The following SBF2 variants were observed in gnomAD, a reference collection of about 807,000 sequenced individuals.
SBF2 encodes the protein myotubularin-related protein 13.
Under a neutral mutation model 225.2 loss-of-function variants are expected in SBF2, and 112 were observed. The ratio of observed to expected loss-of-function variants is 0.50; its 90% CI spans 0.43 to 0.58. The LOEUF (loss-of-function observed/expected upper bound fraction) is 0.58. Ranked by LOEUF, SBF2 falls within the 20% of genes least tolerant of loss-of-function variation. The pLI is 0.00. For synonymous variants in SBF2, 763 were observed against 773.3 expected, an observed-to-expected ratio of 0.99 and a Z score of 0.22; for missense variants, 1,996 against 2,206.2, an observed-to-expected ratio of 0.90 and a Z score of 1.91.
chr11:10,194,809 C>T (rs1591186831), intron 1 of SBF2, among the ~76,000 whole-genome samples: 1 of 152,096 alleles, frequency 6.6e-6, no homozygotes, highest in South Asian at 2.1e-4. Flanking sequence ...CTGCACCTGG[C>T]CATTATTCTG....
chr11:9,791,533 A>C (rs113276840), intron 33 of SBF2, among the ~76,000 whole-genome samples: 9 of 152,188 alleles, frequency 5.9e-5, no homozygotes, highest in African/African-American at 1.9e-4. Flanking sequence ...TGCAGGGTCC[A>C]GTGCAGTAGT....
intron 1 of SBF2, among the ~76,000 whole-genome samples, chr11:10,195,762 T>C (rs1196938656): frequency 6.6e-6 from 1 of 152,136 alleles, no homozygotes; most frequent in African/African-American, 2.4e-5. Context: ...CCAAAATCCA[T>C]TTGAAAAAGA....
At chr11:9,838,260 T>C (rs1276444252) in intron 26 of SBF2, 2 of 152,096 alleles carry the variant, frequency 1.3e-5, no homozygotes, top group African/African-American at 4.8e-5. Context: ...AATAACTTAA[T>C]GGATATATAT....
chr11:10,006,214 A>C (rs1948182624), intron 6 of SBF2, among the ~76,000 whole-genome samples: 1 of 152,178 alleles, frequency 6.6e-6, no homozygotes, highest in Admixed American at 6.5e-5. Flanking sequence ...ATGCCATGTA[A>C]CTGTTATTTG....
At chr11:10,225,885 G>C (rs1958518932) in intron 1 of SBF2, among the ~76,000 whole-genome samples, 4 of 152,078 alleles carry the variant, frequency 2.6e-5, no homozygotes, top group Admixed American at 1.3e-4. Context: ...ATACCCCACA[G>C]TTTGAAATAA....
intron 1 of SBF2, among the ~76,000 whole-genome samples, chr11:10,292,692 A>G (rs2133622078): frequency 6.6e-6 from 1 of 151,864 alleles, no homozygotes; most frequent in South Asian, 2.1e-4. Flanking sequence ...AAAAAAAAAA[A>G]AAAAAATTGT....
At chr11:9,909,693 C>T (rs1862436834) in intron 16 of SBF2, among the ~76,000 whole-genome samples, 1 of 151,236 alleles carries the variant, frequency 6.6e-6, no homozygotes, top group African/African-American at 2.4e-5. Context: ...AAAAAGATAC[C>T]CTGACGACTT....
chr11:10,007,466 T>G (rs1158137710), intron 6 of SBF2, among the ~76,000 whole-genome samples: 3 of 152,050 alleles, frequency 2.0e-5, no homozygotes, highest in Non-Finnish European at 4.4e-5. Flanking sequence ...AAACCAAAAT[T>G]TTAATATGAT....
At chr11:10,280,874 C>A (rs1369099728) in intron 1 of SBF2, among the ~76,000 whole-genome samples, 3 of 152,152 alleles carry the variant, frequency 2.0e-5, no homozygotes, top group African/African-American at 7.2e-5. Context: ...CTGGTTTCTC[C>A]TTACCCAAAA....
chr11:9,798,149 A>G (rs562031610), intron 32 of SBF2, among the ~76,000 whole-genome samples: 45 of 152,302 alleles, frequency 3.0e-4, no homozygotes, highest in Admixed American at 1.4e-3. Flanking sequence ...CCCTTAATAC[A>G]GCAATTCTCA....
rs1857453421 is a variant in SBF2, at chr11:9,858,142, G to A, written c.2100+84C>T. 5 of 1,507,112 alleles carry A rather than the reference G, an allele frequency of 3.3e-6. No homozygotes were observed. The East Asian group carries it at 6.8e-5, about 20-fold the overall frequency. The allele number at this position is 1,507,112 out of a possible 1,614,324, so 93.4% of individuals were successfully genotyped here. A position where few individuals can be genotyped will look rare whatever the true frequency, so the allele number is the denominator to read the frequency against. On this transcript the variant is annotated intron_variant, in intron 18 of 39. Transcript: ENST00000256190. ...AATACACTGGCAGGAAGTAGCTAGA[G>A]TTTTTTTTGCCCTGGGAACATCTGC...
chr11:10,214,340 T>A (rs573299152), intron 1 of SBF2, among the ~76,000 whole-genome samples: 8 of 152,154 alleles, frequency 5.3e-5, no homozygotes, highest in Non-Finnish European at 1.0e-4. Context: ...AAACAGCCAA[T>A]TGGCCGGGCG....
intron 4 of SBF2, 117 bp downstream of exon 4, chr11:10,030,931 T>C (rs1482552214): frequency 2.3e-5 from 20 of 886,724 alleles, no homozygotes; most frequent in Non-Finnish European, 3.4e-5. Flanking sequence ...CTGTATTTCA[T>C]AGATGAATTC....
rs994959698 is a variant in SBF2 at position 9,931,974 on chromosome 11, C to T, written c.1860+29983G>A. 2.0e-5 allele frequency among the ~76,000 whole-genome samples: 3 copies of T among 151,878 alleles called. No individual in the cohort carries two copies. In the South Asian group the frequency reaches 6.2e-4, roughly 32 times the overall value. ...GCTGAAAACCATGGCACGAGAACTT[C>T]GTGACGCATGCACAAGCTTCAATAC... On this transcript the variant is annotated intron_variant, in intron 16 of 39. Coordinates refer to ENST00000256190, the MANE Select transcript of SBF2 (RefSeq NM_030962.4).
intron 16 of SBF2, among the ~76,000 whole-genome samples, chr11:9,947,757 A>G (rs1247089851): frequency 6.6e-6 from 1 of 151,950 alleles, no homozygotes; most frequent in Non-Finnish European, 1.5e-5. Flanking sequence ...CGGTTCACAT[A>G]CATTAGGATG....
At chr11:10,262,915 T>C (rs1463294359) in intron 1 of SBF2, among the ~76,000 whole-genome samples, 6 of 151,990 alleles carry the variant, frequency 3.9e-5, no homozygotes, top group African/African-American at 1.4e-4. Flanking sequence ...GATAAAAGGA[T>C]CCTCAGGGAG....
Position 10,223,281 on chromosome 11 carries a change from C to T in SBF2, c.56-29294G>A, listed in dbSNP as rs533777368. 3.5e-4 allele frequency among the ~76,000 whole-genome samples: 53 copies of T among 150,738 alleles called. 1 individual carries two copies. In the South Asian group the frequency reaches 0.01, roughly 30 times the overall value. On this transcript the variant is annotated intron_variant, in intron 1 of 39. Transcript: ENST00000256190. ...CCTTGAACAACTTGGGAGTTAGGAA[C>T]CCCAACCCCTAGAGCCGTCAAAAAT...
intron 2 of SBF2, among the ~76,000 whole-genome samples, chr11:10,110,324 A>C (rs1032008717): frequency 1.3e-5 from 2 of 152,114 alleles, no homozygotes; most frequent in Non-Finnish European, 2.9e-5. Context: ...AGTAAATCAC[A>C]ATCAACTTAA....
At chr11:9,856,862 A>G (rs1857360757) in intron 18 of SBF2, 142 bp from the exon 19 acceptor site, 1 of 821,612 alleles carries the variant, frequency 1.2e-6, no homozygotes, top group Admixed American at 2.5e-5. Context: ...ATCTTGGCTC[A>G]CTGCAAGCTC....
Sources: allele counts gnomAD v4.1 joint callset (sites outside exome capture counted in the v4.1 genomes callset), GRCh38; gene constraint gnomAD v4.1.1; transcripts MANE v1.5; gene names NCBI Gene and HGNC (gene_info 2026-07-23, HGNC 2026-07-21).